Variants in CNTN4 observed in about 807,000 individuals in gnomAD.
The protein encoded by CNTN4 is contactin 4.
A neutral mutation model predicts 122.5 loss-of-function variants in CNTN4; 77 were observed. That is an observed-to-expected ratio of 0.63 (90% CI 0.52 to 0.76). The LOEUF (loss-of-function observed/expected upper bound fraction) is 0.76. CNTN4 is among the 30% of genes least tolerant of loss of function. CNTN4 has a pLI of 0.00. For missense variants in CNTN4, 1,256 were observed against 1,259.1 expected (o/e 1.00, Z 0.04); for synonymous variants, 512 against 447.0 (o/e 1.15, Z -1.83).
At chr3:2,842,422 C>T (rs985801664) in intron 7 of CNTN4, among the ~76,000 whole-genome samples, 2 of 152,176 alleles carry the variant, frequency 1.3e-5, no homozygotes, top group African/African-American at 2.4e-5. Flanking sequence ...CTCTAGCTAT[C>T]GTTTTACTCC....
intron 13 of CNTN4, among the ~76,000 whole-genome samples, chr3:2,945,921 G>A (rs549395236): frequency 1.3e-5 from 2 of 152,298 alleles, no homozygotes; most frequent in East Asian, 3.9e-4. Context: ...TCAAAAGTGA[G>A]ATAGAAGATT....
At chr3:2,887,988 G>A (rs1163629879) in intron 10 of CNTN4, among the ~76,000 whole-genome samples, 1 of 152,150 alleles carries the variant, frequency 6.6e-6, no homozygotes, top group East Asian at 1.9e-4. Context: ...AAATACTATA[G>A]ATTGATAATT....
At chr3:2,528,384 C>T (rs767058452) in intron 3 of CNTN4, among the ~76,000 whole-genome samples, 3 of 152,100 alleles carry the variant, frequency 2.0e-5, no homozygotes, top group Non-Finnish European at 2.9e-5. Context: ...TTATGCTACA[C>T]TGATGATCAG....
intron 2 of CNTN4, among the ~76,000 whole-genome samples, chr3:2,188,169 G>A (rs1365213628): frequency 6.6e-6 from 1 of 152,054 alleles, no homozygotes; most frequent in African/African-American, 2.4e-5. Flanking sequence ...ATTTTCCTGG[G>A]TGCTTCAGTA....
chr3:2,611,248 A>T (rs1422038188), intron 4 of CNTN4, among the ~76,000 whole-genome samples: 1 of 150,310 alleles, frequency 6.7e-6, no homozygotes, highest in Admixed American at 6.7e-5. Flanking sequence ...CTTTCAACTC[A>T]TAAAGACCAG....
chr3:2,672,934 A>C (rs2084619650), intron 4 of CNTN4, among the ~76,000 whole-genome samples: 1 of 152,210 alleles, frequency 6.6e-6, no homozygotes. Flanking sequence ...AGTGGGCTAG[A>C]GAATCACGTA....
At chr3:2,546,889 T>C (rs2078267074) in intron 3 of CNTN4, among the ~76,000 whole-genome samples, 1 of 152,260 alleles carries the variant, frequency 6.6e-6, no homozygotes, top group East Asian at 1.9e-4. Context: ...CGAGCGGATG[T>C]TCTAGCATGC....
At chr3:2,924,565 T>C (rs1559673627) in intron 12 of CNTN4, among the ~76,000 whole-genome samples, 1 of 152,210 alleles carries the variant, frequency 6.6e-6, no homozygotes, top group Non-Finnish European at 1.5e-5. Flanking sequence ...AAATGTCTTT[T>C]ATTTTACTTT....
chr3:3,022,190 G>A (rs557671137), intron 14 of CNTN4, among the ~76,000 whole-genome samples: 2 of 152,138 alleles, frequency 1.3e-5, no homozygotes, highest in South Asian at 4.2e-4. Context: ...GTTGCAGTGA[G>A]CCAAGATTGT....
intron 6 of CNTN4, among the ~76,000 whole-genome samples, chr3:2,756,612 A>G (rs1480914325): frequency 6.6e-6 from 1 of 152,242 alleles, no homozygotes; most frequent in Admixed American, 6.5e-5. Context: ...CGGTCTTTCC[A>G]GATGTAATTA....
At chr3:2,164,286 T>A (rs184213850) in intron 2 of CNTN4, among the ~76,000 whole-genome samples, 1 of 151,212 alleles carries the variant, frequency 6.6e-6, no homozygotes, top group East Asian at 1.9e-4. Flanking sequence ...AATATCAGAA[T>A]GGATGCTACT....
chr3:2,626,496 C>CAAAAAAAAAA (rs35668647), intron 4 of CNTN4, among the ~76,000 whole-genome samples: 2 of 143,968 alleles, frequency 1.4e-5, no homozygotes, highest in Non-Finnish European at 3.0e-5. Context: ...GACTCTATCT[C>CAAAAAAAAAA]AAAAAAAAAA....
At position 2,568,695 on chromosome 3, in the gene CNTN4, C is replaced by CA. The variant is rs543858513; in HGVS notation, c.-88-2720dup. ...TCAGAAAACCGGATGCTTTGGTTAC[C>CA]ACTGCCCACTGACAAATTACTGTCC... On this transcript the variant is annotated intron_variant, in intron 3 of 24. Transcript: ENST00000418658. Among the ~76,000 whole-genome samples the CA allele has an allele frequency of 3.3e-4, 51 of 152,244 alleles. 1 individual carries two copies. In the East Asian group the frequency reaches 8.9e-3, roughly 27 times the overall value.
chr3:2,627,091 C>T (rs943946299), intron 4 of CNTN4, among the ~76,000 whole-genome samples: 1 of 152,132 alleles, frequency 6.6e-6, no homozygotes, highest in African/African-American at 2.4e-5. Flanking sequence ...TCCAACCATC[C>T]TGGTTTGGCT....
chr3:3,016,342 A>G (rs900270817), intron 14 of CNTN4, among the ~76,000 whole-genome samples: 1 of 152,094 alleles, frequency 6.6e-6, no homozygotes, highest in African/African-American at 2.4e-5. Context: ...ATTACTTGCT[A>G]TTTTGCTTGA....
At chr3:3,039,697 G>C (rs779368166) in intron 19 of CNTN4, 1 of 347,612 alleles carries the variant, frequency 2.9e-6, no homozygotes, top group Non-Finnish European at 5.6e-6. Context: ...AAGAAGATTA[G>C]TATTAGAGGA....
chr3:2,239,685 G>T (rs910003208), intron 2 of CNTN4, among the ~76,000 whole-genome samples: 1 of 152,110 alleles, frequency 6.6e-6, no homozygotes, highest in Non-Finnish European at 1.5e-5. Flanking sequence ...GACTGCAATA[G>T]CAGTCTTCTT....
intron 6 of CNTN4, among the ~76,000 whole-genome samples, chr3:2,761,805 C>T (rs764761449): frequency 2.0e-5 from 3 of 151,960 alleles, no homozygotes; most frequent in Non-Finnish European, 4.4e-5. Flanking sequence ...TCAGTAATCA[C>T]CTGAGATTTC....
At chr3:2,413,071 T>A (rs534171095) in intron 3 of CNTN4, among the ~76,000 whole-genome samples, 1 of 152,332 alleles carries the variant, frequency 6.6e-6, no homozygotes, top group South Asian at 2.1e-4. Context: ...GGATTCCATA[T>A]GATTCTACAT....
Sources: gnomAD v4.1 joint callset for allele counts (sites outside exome capture counted in the v4.1 genomes callset) on GRCh38, gnomAD v4.1.1 for gene constraint, MANE v1.5 for transcripts, NCBI Gene and HGNC (gene_info 2026-07-23, HGNC 2026-07-21) for gene names.